The following MATCAP2 variants were observed in gnomAD, a reference collection of about 807,000 sequenced individuals.
The protein encoded by MATCAP2 is putative tyrosine carboxypeptidase MATCAP2.
At chr7:36,346,791 C>T in the MATCAP2 span, among the ~76,000 whole-genome samples, 1 of 152,304 alleles carries the variant, frequency 6.6e-6, no homozygotes, top group East Asian at 1.9e-4. Context: ...GACAGAGTGT[C>T]GCTCTGTTGC....
the MATCAP2 span, chr7:36,336,085 A>T: frequency 8.6e-7 from 1 of 1,158,058 alleles, no homozygotes; most frequent in African/African-American, 1.6e-5. Context: ...AATAAAATAA[A>T]TAAAATAAAA....
chr7:36,341,162 G>A, the MATCAP2 span, among the ~76,000 whole-genome samples: 2 of 152,160 alleles, frequency 1.3e-5, no homozygotes, highest in Non-Finnish European at 2.9e-5. Flanking sequence ...GAGAATCAAT[G>A]TTTACACCAC....
At chr7:36,384,261 T>C in the MATCAP2 span, among the ~76,000 whole-genome samples, 1 of 152,218 alleles carries the variant, frequency 6.6e-6, no homozygotes, top group Non-Finnish European at 1.5e-5. Context: ...CTTTAATCTC[T>C]AGTTATTTCT....
chr7:36,388,797 G>A, the MATCAP2 span, among the ~76,000 whole-genome samples: 1 of 152,212 alleles, frequency 6.6e-6, no homozygotes, highest in African/African-American at 2.4e-5. Context: ...GGCAGTAAAA[G>A]GAAGGATTGA....
the MATCAP2 span, among the ~76,000 whole-genome samples, chr7:36,349,611 A>T: frequency 2.0e-5 from 3 of 152,190 alleles, no homozygotes; most frequent in African/African-American, 7.2e-5. Flanking sequence ...CTGGATGTAT[A>T]AAAGGGTGAG....
At chr7:36,347,808 T>A in the MATCAP2 span, among the ~76,000 whole-genome samples, 1 of 152,202 alleles carries the variant, frequency 6.6e-6, no homozygotes, top group Admixed American at 6.5e-5. Context: ...AACTCTCCCT[T>A]CATTCCTCTC....
At chr7:36,337,231 G>A in the MATCAP2 span, among the ~76,000 whole-genome samples, 419 of 151,664 alleles carry the variant, frequency 2.8e-3, 1 homozygote, top group African/African-American at 9.5e-3. Context: ...GTCAAGGCAG[G>A]ATATTATCTA....
the MATCAP2 span, among the ~76,000 whole-genome samples, chr7:36,350,908 A>G: frequency 6.6e-6 from 1 of 152,164 alleles, no homozygotes; most frequent in Non-Finnish European, 1.5e-5. Flanking sequence ...CTGTGGCTCA[A>G]ACAAAATAAC....
At chr7:36,373,232 A>G in the MATCAP2 span, among the ~76,000 whole-genome samples, 1 of 152,148 alleles carries the variant, frequency 6.6e-6, no homozygotes. Context: ...TTATACTGGG[A>G]GAAAAAAACA....
At chr7:36,353,473 T>C in the MATCAP2 span, among the ~76,000 whole-genome samples, 5 of 136,140 alleles carry the variant, frequency 3.7e-5, no homozygotes, top group African/African-American at 1.3e-4. Flanking sequence ...ATACTCCCTG[T>C]TTATGCTCTT....
the MATCAP2 span, among the ~76,000 whole-genome samples, chr7:36,386,701 C>T: frequency 6.6e-6 from 1 of 151,974 alleles, no homozygotes; most frequent in African/African-American, 2.4e-5. Flanking sequence ...AATTGAAAGT[C>T]CAATAAATAA....
chr7:36,389,819 G>GCGGCTCGGCGCTGAAATTCAAATTT, the MATCAP2 span: 1 of 933,396 alleles, frequency 1.1e-6, no homozygotes, highest in Admixed American at 2.4e-5. Context: ...GCGCATGCTC[G>GCGGCTCGGCGCTGAAATTCAAATTT]CGGCTCGGCG....
the MATCAP2 span, among the ~76,000 whole-genome samples, chr7:36,377,729 C>G: frequency 6.6e-6 from 1 of 152,204 alleles, no homozygotes; most frequent in Non-Finnish European, 1.5e-5. Flanking sequence ...GCATCACTTT[C>G]AGGTACACCA....
the MATCAP2 span, among the ~76,000 whole-genome samples, chr7:36,328,251 G>GGGGC: frequency 1.9e-5 from 2 of 104,298 alleles, no homozygotes; most frequent in Non-Finnish European, 4.3e-5. Context: ...GGGGGGGGGG[G>GGGGC]TCTTGCTATG....
At chr7:36,383,902 A>G in the MATCAP2 span, 26 of 1,604,308 alleles carry the variant, frequency 1.6e-5, no homozygotes, top group South Asian at 2.8e-4. Context: ...CCACTGCCTT[A>G]TGATTAGGTC....
the MATCAP2 span, among the ~76,000 whole-genome samples, chr7:36,365,094 T>G: frequency 6.6e-6 from 1 of 152,190 alleles, no homozygotes; most frequent in East Asian, 1.9e-4. Flanking sequence ...TAACTCAACA[T>G]GTTGACATAT....
chr7:36,366,799 G>A, the MATCAP2 span: 1 of 1,532,836 alleles, frequency 6.5e-7, no homozygotes, highest in Non-Finnish European at 8.7e-7. Context: ...GGGTCGGGGC[G>A]CAGGGTGGAG....
the MATCAP2 span, chr7:36,390,010 G>T: frequency 6.2e-7 from 1 of 1,613,984 alleles, no homozygotes; most frequent in Non-Finnish European, 8.5e-7. Flanking sequence ...TCGTCTCGTA[G>T]TCCGACGCCT....
the MATCAP2 span, chr7:36,335,094 A>C: frequency 1.2e-6 from 2 of 1,613,922 alleles, no homozygotes; most frequent in Non-Finnish European, 1.7e-6. Flanking sequence ...CGTGCAGTGG[A>C]CACATTGATA....
Sources: gnomAD v4.1 joint callset for allele counts (sites outside exome capture counted in the v4.1 genomes callset) on GRCh38, gnomAD v4.1.1 for gene constraint, MANE v1.5 for transcripts, NCBI Gene and HGNC (gene_info 2026-07-23, HGNC 2026-07-21) for gene names.